The following RAD51B variants were observed in gnomAD, a reference collection of about 807,000 sequenced individuals.
RAD51B encodes the protein DNA repair protein RAD51 homolog 2.
In RAD51B, 38 loss-of-function variants were observed where a neutral mutation model predicts 42.2. The observed-to-expected ratio is 0.90, with a 90% CI of 0.70 to 1.18. The LOEUF is 1.18. RAD51B is among the 50% of genes most tolerant of loss of function. The pLI is 0.00. For missense variants in RAD51B, 373 were observed against 400.7 expected, an observed-to-expected ratio of 0.93 and a Z score of 0.59; for synonymous variants, 154 against 145.2, an observed-to-expected ratio of 1.06 and a Z score of -0.43.
At chr14:67,901,515 C>A (rs886263023) in intron 7 of RAD51B, among the ~76,000 whole-genome samples, 12 of 152,168 alleles carry the variant, frequency 7.9e-5, no homozygotes, top group Non-Finnish European at 1.6e-4. Context: ...TTGGAAATGG[C>A]AGTTTACTGT....
chr14:68,278,038 C>G (rs1208247696), intron 7 of RAD51B, among the ~76,000 whole-genome samples: 1 of 152,214 alleles, frequency 6.6e-6, no homozygotes, highest in Non-Finnish European at 1.5e-5. Flanking sequence ...CCACTGCGAC[C>G]AGCCAGAGGC....
intron 9 of RAD51B, among the ~76,000 whole-genome samples, chr14:68,447,489 GA>G (rs11322675): frequency 1 from 150,141 of 150,266 alleles, 75,008 homozygotes; most frequent in Middle Eastern, 1. Context: ...ACAGTAGAGA[GA>G]AAAAAAAAAA....
At chr14:68,387,774 A>C (rs1324919983) in intron 8 of RAD51B, among the ~76,000 whole-genome samples, 6 of 152,104 alleles carry the variant, frequency 3.9e-5, no homozygotes, top group Non-Finnish European at 8.8e-5. Context: ...ACACTCTACC[A>C]CTACAACCAC....
chr14:68,370,003 G>A lies in RAD51B; in HGVS notation c.854-41421G>A, dbSNP rs183655329. Reference sequence around the variant, plus strand: ...GCAAGGGACATCTCAAATCCAGAAGGGAAAAAAGACAAAGTTAAATATATA... The same window carrying A: ...GCAAGGGACATCTCAAATCCAGAAGAGAAAAAAGACAAAGTTAAATATATA... On this transcript the variant is annotated intron_variant, in intron 8 of 10. Transcript: ENST00000471583. Among the ~76,000 whole-genome samples the A allele has an allele frequency of 4.6e-5, 7 of 152,204 alleles. No homozygotes were observed. The East Asian group carries it at 1.2e-3, about 25-fold the overall frequency.
chr14:68,066,966 A>G (rs2140455580), intron 7 of RAD51B, among the ~76,000 whole-genome samples: 4 of 152,280 alleles, frequency 2.6e-5, no homozygotes, highest in African/African-American at 9.6e-5. Context: ...AAAAGGAAAC[A>G]AAATGGGAAA....
chr14:68,088,150 C>T lies in RAD51B; in HGVS notation c.756+200946C>T, dbSNP rs1229573830. 3.3e-5 allele frequency among the ~76,000 whole-genome samples: 5 copies of T among 150,118 alleles called. No individual in the cohort carries two copies. The East Asian group carries it at 7.8e-4, about 23-fold the overall frequency. ...ATCAAAATCAAGGATCTCATTTCTCCATGAATCTAAGAGCTATTATTGGTG... is the reference window on the plus strand; with the variant it reads ...ATCAAAATCAAGGATCTCATTTCTCTATGAATCTAAGAGCTATTATTGGTG... On this transcript the variant is annotated intron_variant, in intron 7 of 10. Transcript: ENST00000471583.
chr14:67,905,370 TATA>T (rs2043749164), intron 7 of RAD51B, among the ~76,000 whole-genome samples: 1 of 152,158 alleles, frequency 6.6e-6, no homozygotes, highest in Non-Finnish European at 1.5e-5. Flanking sequence ...CTGGCTGTGT[TATA>T]ATATTTTTGC....
intron 5 of RAD51B, among the ~76,000 whole-genome samples, chr14:67,874,559 G>A (rs1424318106): frequency 6.6e-6 from 1 of 152,154 alleles, no homozygotes; most frequent in East Asian, 1.9e-4. Context: ...GTGTAGCCTG[G>A]CGCTAACCAG....
intron 7 of RAD51B, among the ~76,000 whole-genome samples, chr14:68,243,208 A>G (rs1432675817): frequency 3.3e-5 from 5 of 152,200 alleles, no homozygotes; most frequent in East Asian, 3.8e-4. Flanking sequence ...TTTGATTCAC[A>G]TATGATAATT....
intron 10 of RAD51B, chr14:68,594,366 C>A (rs1203814649): frequency 1.1e-6 from 1 of 947,104 alleles, no homozygotes; most frequent in Non-Finnish European, 1.5e-6. Flanking sequence ...ATTCCTATGC[C>A]ATACCCCTTG....
chr14:67,996,570 G>C (rs1257994383), intron 7 of RAD51B, among the ~76,000 whole-genome samples: 1 of 152,116 alleles, frequency 6.6e-6, no homozygotes, highest in East Asian at 1.9e-4. Flanking sequence ...TGCAAGATGA[G>C]AGCATGCTTG....
downstream of RAD51B, among the ~76,000 whole-genome samples, chr14:68,478,551 C>A (rs758294116): frequency 3.9e-5 from 6 of 152,250 alleles, no homozygotes; most frequent in Non-Finnish European, 8.8e-5. Context: ...ATTGAAGCAT[C>A]AGACTGGGTT....
intron 4 of RAD51B, among the ~76,000 whole-genome samples, chr14:67,840,862 G>C (rs2041404002): frequency 6.6e-6 from 1 of 151,260 alleles, no homozygotes. Flanking sequence ...GGAGGGCAGT[G>C]GCACTTTTGG....
chr14:68,438,717 G>A (rs551432806), intron 9 of RAD51B, among the ~76,000 whole-genome samples: 7 of 152,168 alleles, frequency 4.6e-5, no homozygotes, highest in Non-Finnish European at 8.8e-5. Flanking sequence ...TTATCAGAGT[G>A]TGGGAAAAAT....
intron 8 of RAD51B, among the ~76,000 whole-genome samples, chr14:68,403,982 A>C (rs2084193134): frequency 6.6e-6 from 1 of 152,208 alleles, no homozygotes; most frequent in Non-Finnish European, 1.5e-5. Flanking sequence ...AATCACAGAA[A>C]GAGAACATGC....
At chr14:67,866,166 T>C (rs761231621) in intron 5 of RAD51B, among the ~76,000 whole-genome samples, 1 of 152,128 alleles carries the variant, frequency 6.6e-6, no homozygotes, top group Non-Finnish European at 1.5e-5. Flanking sequence ...GATTAAAAAA[T>C]AGTTGGAAGG....
At chr14:68,650,888 A>G in intron 11 of RAD51B, 1 of 729,658 alleles carries the variant, frequency 1.4e-6, no homozygotes, top group Non-Finnish European at 2.5e-6. Flanking sequence ...CCCTCACAAC[A>G]GGGAAAAGTA....
intron 8 of RAD51B, among the ~76,000 whole-genome samples, chr14:68,363,325 C>T (rs2083070242): frequency 6.6e-6 from 1 of 152,138 alleles, no homozygotes; most frequent in Non-Finnish European, 1.5e-5. Flanking sequence ...GGTGAATTAA[C>T]ATAGGTGATT....
At chr14:67,878,761 G>GTGATCT (rs1220522564) in intron 5 of RAD51B, among the ~76,000 whole-genome samples, 4 of 152,210 alleles carry the variant, frequency 2.6e-5, no homozygotes, top group African/African-American at 9.6e-5. Context: ...GTGCAGTGGT[G>GTGATCT]TGATCTTGGT....
Sources: allele counts gnomAD v4.1 joint callset (sites outside exome capture counted in the v4.1 genomes callset), GRCh38; gene constraint gnomAD v4.1.1; transcripts MANE v1.5; gene names NCBI Gene and HGNC (gene_info 2026-07-23, HGNC 2026-07-21).